Variants in ANK1 observed in about 807,000 individuals in gnomAD.
ANK1 encodes the protein ankyrin-1.
In ANK1, 51 loss-of-function variants were observed where a neutral mutation model predicts 210.4. The observed-to-expected ratio is 0.24, with a 90% confidence interval of 0.19 to 0.31. The LOEUF is 0.31. Among genes scored for constraint, ANK1 ranks in the 10% least tolerant of loss-of-function variants. ANK1 has a pLI of 1.00. For missense variants in ANK1, 2,051 were observed against 2,504.4 expected, an observed-to-expected ratio of 0.82 and a Z score of 3.86; for synonymous variants, 967 against 1,025.9, an observed-to-expected ratio of 0.94 and a Z score of 1.10.
intron 38 of ANK1, among the ~76,000 whole-genome samples, chr8:41,668,906 C>T (rs530507701): frequency 6.6e-6 from 1 of 152,306 alleles, no homozygotes; most frequent in African/African-American, 2.4e-5. Flanking sequence ...ATCCCACATC[C>T]TCAAACTCTG....
intron 36 of ANK1, among the ~76,000 whole-genome samples, chr8:41,685,002 C>T (rs1330218782): frequency 2.0e-5 from 3 of 152,088 alleles, no homozygotes; most frequent in South Asian, 2.1e-4. Flanking sequence ...GGGGCAATCT[C>T]GGCTCACTGT....
At chr8:41,667,984 G>A (rs1811089017) in intron 39 of ANK1, among the ~76,000 whole-genome samples, 1 of 152,214 alleles carries the variant, frequency 6.6e-6, no homozygotes, top group Non-Finnish European at 1.5e-5. Context: ...GAGTCAGCGA[G>A]ACCCAGCTTA....
At chr8:41,889,853 T>G (rs1819093385) in intron 1 of ANK1, among the ~76,000 whole-genome samples, 1 of 152,238 alleles carries the variant, frequency 6.6e-6, no homozygotes, top group Non-Finnish European at 1.5e-5. Flanking sequence ...TGCAAGTATC[T>G]AAGCCCACCT....
intron 1 of ANK1, among the ~76,000 whole-genome samples, chr8:41,803,060 A>AGAAAGGAAGGAAGG (rs1850292566): frequency 3.4e-5 from 2 of 59,038 alleles, no homozygotes; most frequent in African/African-American, 1.6e-4. Context: ...AGAAAGAGAG[A>AGAAAGGAAGGAAGG]AAGGAAGGAA....
At chr8:41,840,536 G>C (rs1019028786) in intron 1 of ANK1, among the ~76,000 whole-genome samples, 1 of 152,174 alleles carries the variant, frequency 6.6e-6, no homozygotes, top group Non-Finnish European at 1.5e-5. Flanking sequence ...AGAGGTCCAG[G>C]TGCCAGCAGA....
At chr8:41,709,245 G>C (rs1825513837) in intron 16 of ANK1, among the ~76,000 whole-genome samples, 1 of 152,224 alleles carries the variant, frequency 6.6e-6, no homozygotes. Context: ...GACAGGAAGA[G>C]AATAACAGGA....
intron 1 of ANK1, among the ~76,000 whole-genome samples, chr8:41,874,472 G>A (rs575684560): frequency 5.2e-4 from 79 of 152,246 alleles, no homozygotes; most frequent in African/African-American, 1.6e-3. Context: ...TCGCCTGCCC[G>A]CAGCCCCCAA....
chr8:41,684,000 C>A (rs1418923465), intron 37 of ANK1, among the ~76,000 whole-genome samples: 1 of 152,182 alleles, frequency 6.6e-6, no homozygotes, highest in Admixed American at 6.5e-5. Flanking sequence ...AGAGACCCGG[C>A]TCCAGGAAGA....
intron 39 of ANK1, among the ~76,000 whole-genome samples, chr8:41,666,988 C>T (rs1277602782): frequency 6.6e-6 from 1 of 152,200 alleles, no homozygotes; most frequent in African/African-American, 2.4e-5. Context: ...AGGCTGACCA[C>T]AGAGGGGCAG....
At chr8:41,785,081 G>T (rs573085102) in intron 1 of ANK1, among the ~76,000 whole-genome samples, 5 of 152,292 alleles carry the variant, frequency 3.3e-5, no homozygotes, top group African/African-American at 1.2e-4. Flanking sequence ...AATGAGACTG[G>T]GCATGATGGC....
At chr8:41,670,963 G>C (rs1016460431) in intron 38 of ANK1, among the ~76,000 whole-genome samples, 1 of 152,234 alleles carries the variant, frequency 6.6e-6, no homozygotes, top group Non-Finnish European at 1.5e-5. Flanking sequence ...TCTCATGTCT[G>C]TCTCATCTCT....
At chr8:41,818,213 G>A (rs943114338) in intron 1 of ANK1, among the ~76,000 whole-genome samples, 13 of 152,160 alleles carry the variant, frequency 8.5e-5, no homozygotes, top group South Asian at 6.2e-4. Context: ...AATGTTTCCC[G>A]CCTGAGCTAA....
intron 9 of ANK1, among the ~76,000 whole-genome samples, chr8:41,721,977 C>G (rs887841948): frequency 6.6e-6 from 1 of 152,170 alleles, no homozygotes; most frequent in East Asian, 1.9e-4. Context: ...AAATACAGCA[C>G]TCCTGGAAAA....
Position 41,847,910 on chromosome 8 carries a change from T to A in ANK1, c.126+48445A>T, listed in dbSNP as rs574613005. ...TGGGCCAGGCGCAGTGGCTCACACC[T>A]ATAATCCCAGCACTTTGGGAGGCCG... is the stretch of plus-strand genomic sequence containing the variant. On this transcript the variant is annotated intron_variant, in intron 1 of 42. Coordinates refer to the ANK1 transcript ENST00000265709. 2.0e-4 allele frequency among the ~76,000 whole-genome samples: 31 copies of A among 152,278 alleles called. No homozygotes were observed. In the South Asian group the frequency reaches 6.2e-3, roughly 31 times the overall value.
upstream of ANK1, among the ~76,000 whole-genome samples, chr8:41,801,127 C>T (rs528681081): frequency 4.8e-4 from 73 of 152,164 alleles, 1 homozygote; most frequent in African/African-American, 1.4e-3. Context: ...TATTTATTTT[C>T]CAGATGGGAT....
chr8:41,698,362 T>C (rs1821695966), intron 23 of ANK1, among the ~76,000 whole-genome samples: 1 of 152,224 alleles, frequency 6.6e-6, no homozygotes, highest in South Asian at 2.1e-4. Flanking sequence ...TGGCTAACAA[T>C]ATATCTTTCT....
At chr8:41,686,386 G>C (rs1442770277) in intron 35 of ANK1, 103 bp from the exon 36 acceptor site, 16 of 1,492,858 alleles carry the variant, frequency 1.1e-5, no homozygotes, top group Non-Finnish European at 1.4e-5. Flanking sequence ...GGGGGACCCA[G>C]TGGGGAGCAC....
chr8:41,709,664 A>G (rs1825629007), intron 16 of ANK1, among the ~76,000 whole-genome samples: 1 of 152,230 alleles, frequency 6.6e-6, no homozygotes, highest in African/African-American at 2.4e-5. Flanking sequence ...GGCAGGGCAC[A>G]GTGTTCATGC....
rs79475293 is a variant in ANK1 at position 41,822,685 on chromosome 8, T to C, written c.127-64548A>G. Reference sequence around the variant, plus strand: ...CCCAGGAGACTGCAGGACTTGTGCTTGCAATGAGGATGATGAGCTAATCCC... The same window carrying C: ...CCCAGGAGACTGCAGGACTTGTGCTCGCAATGAGGATGATGAGCTAATCCC... On this transcript the variant is annotated intron_variant, in intron 1 of 42. Transcript: ENST00000265709. Among the ~76,000 whole-genome samples the C allele has an allele frequency of 1.3e-3, 204 of 152,210 alleles. 2 individuals are homozygous for C. The East Asian group carries it at 0.037, about 27-fold the overall frequency.
Sources: gnomAD v4.1 joint callset for allele counts (sites outside exome capture counted in the v4.1 genomes callset) on GRCh38, gnomAD v4.1.1 for gene constraint, MANE v1.5 for transcripts, NCBI Gene and HGNC (gene_info 2026-07-23, HGNC 2026-07-21) for gene names.